Variants in MDGA2 observed in about 807,000 individuals in gnomAD.
MDGA2 encodes MAM domain-containing glycosylphosphatidylinositol anchor protein 2.
Under a neutral mutation model 117.8 loss-of-function variants are expected in MDGA2, and 40 were observed. The observed-to-expected ratio is 0.34, with a 90% CI of 0.26 to 0.44. The LOEUF (loss-of-function observed/expected upper bound fraction) is 0.44. Among genes scored for constraint, MDGA2 ranks in the 20% least tolerant of loss-of-function variants. MDGA2 has a pLI of 1.00. For synonymous variants in MDGA2, 452 were observed against 439.0 expected (o/e 1.03, Z -0.37); for missense variants, 1,123 against 1,250.6 (o/e 0.90, Z 1.54).
chr14:46,958,697 T>G (rs926614521), intron 8 of MDGA2, among the ~76,000 whole-genome samples: 1 of 152,252 alleles, frequency 6.6e-6, no homozygotes, highest in Non-Finnish European at 1.5e-5. Context: ...GTCCATTTCA[T>G]GCACCTGTCA....
chr14:47,112,584 T>A (rs1881101820), intron 5 of MDGA2, among the ~76,000 whole-genome samples: 1 of 152,246 alleles, frequency 6.6e-6, no homozygotes, highest in Admixed American at 6.5e-5. Flanking sequence ...TTCCTTTCTC[T>A]GGCTGCATAG....
chr14:46,971,526 G>A (rs1237460513), intron 8 of MDGA2, among the ~76,000 whole-genome samples: 1 of 152,016 alleles, frequency 6.6e-6, no homozygotes, highest in Non-Finnish European at 1.5e-5. Flanking sequence ...TGGAGATAGA[G>A]TATAGATAGA....
chr14:47,256,514 A>C (rs531055400), intron 2 of MDGA2, among the ~76,000 whole-genome samples: 6 of 152,014 alleles, frequency 3.9e-5, no homozygotes, highest in Admixed American at 6.6e-5. Context: ...CAGTTTATCT[A>C]TTTGCTTCTT....
chr14:47,003,378 C>A (rs956427476), intron 8 of MDGA2, among the ~76,000 whole-genome samples: 64 of 148,372 alleles, frequency 4.3e-4, no homozygotes, highest in Non-Finnish European at 9.0e-4. Context: ...AAAAAAAAAA[C>A]CTACCACACT....
chr14:47,412,287 T>C (rs1892389850), intron 1 of MDGA2, among the ~76,000 whole-genome samples: 1 of 152,154 alleles, frequency 6.6e-6, no homozygotes, highest in Non-Finnish European at 1.5e-5. Flanking sequence ...TATTTCCTTT[T>C]ATTTTTTTCA....
chr14:47,667,468 ATCCTT>A (rs1897996273), intron 1 of MDGA2, among the ~76,000 whole-genome samples: 1 of 152,190 alleles, frequency 6.6e-6, no homozygotes, highest in Non-Finnish European at 1.5e-5. Context: ...TTATCTCCTC[ATCCTT>A]TCCTTTCAGG....
chr14:47,129,146 C>T (rs1882060393), intron 5 of MDGA2, among the ~76,000 whole-genome samples: 2 of 151,216 alleles, frequency 1.3e-5, no homozygotes, highest in South Asian at 4.2e-4. Flanking sequence ...GCACAATGTG[C>T]AGGTTAGTTA....
chr14:47,300,331 T>C (rs527298868), intron 2 of MDGA2, among the ~76,000 whole-genome samples: 2 of 152,242 alleles, frequency 1.3e-5, no homozygotes, highest in Non-Finnish European at 2.9e-5. Context: ...AATTTTGAGC[T>C]AGTAAGGTCA....
At chr14:47,302,452 T>A (rs1566729189) in intron 1 of MDGA2, among the ~76,000 whole-genome samples, 1 of 152,134 alleles carries the variant, frequency 6.6e-6, no homozygotes, top group South Asian at 2.1e-4. Context: ...AAGAGAATGA[T>A]CATTTCAGTT....
chr14:47,157,814 TC>T (rs913675195), intron 3 of MDGA2, among the ~76,000 whole-genome samples: 14 of 151,752 alleles, frequency 9.2e-5, no homozygotes, highest in African/African-American at 1.7e-4. Context: ...TTATAAGGGC[TC>T]CCCCCCTCAC....
intron 2 of MDGA2, among the ~76,000 whole-genome samples, chr14:47,276,127 G>A (rs956513432): frequency 6.6e-6 from 1 of 152,154 alleles, no homozygotes; most frequent in Non-Finnish European, 1.5e-5. Context: ...GAGAGTGCCA[G>A]TTCAGTCTGT....
At chr14:46,844,786 G>A (rs190073303) in intron 16 of MDGA2, among the ~76,000 whole-genome samples, 94 of 152,258 alleles carry the variant, frequency 6.2e-4, no homozygotes, top group Middle Eastern at 3.4e-3. Context: ...TTTCAAGTGA[G>A]AGACCAGGTG....
chr14:47,380,511 C>T (rs1203426090), intron 1 of MDGA2, among the ~76,000 whole-genome samples: 1 of 151,526 alleles, frequency 6.6e-6, no homozygotes, highest in East Asian at 1.9e-4. Flanking sequence ...CAAATAGACG[C>T]AATAAAAAAG....
rs1259088155 is a variant in MDGA2, at chr14:47,671,261, A to G, written c.280+3256T>C. On this transcript the variant is annotated intron_variant, in intron 1 of 16. Transcript: ENST00000399232. ...TAAATGACAGTAAGTTCCTAGGTCT[A>G]TAGCAGAAACTTTTACACTTAAGTA... Among the ~76,000 whole-genome samples the G allele has an allele frequency of 2.0e-5, 3 of 152,212 alleles. No individual in the cohort carries two copies. In the East Asian group the frequency reaches 5.8e-4, roughly 29 times the overall value.
At chr14:47,083,783 A>C (rs1890793312) in intron 6 of MDGA2, among the ~76,000 whole-genome samples, 1 of 152,136 alleles carries the variant, frequency 6.6e-6, no homozygotes, top group South Asian at 2.1e-4. Flanking sequence ...CAGGGTGGCT[A>C]GATAATGTAG....
intron 11 of MDGA2, among the ~76,000 whole-genome samples, chr14:46,879,331 T>C (rs1325135756): frequency 1.3e-5 from 2 of 152,198 alleles, no homozygotes; most frequent in Non-Finnish European, 2.9e-5. Flanking sequence ...TCTCAGCCTC[T>C]AAAAGTGTGA....
chr14:47,330,934 A>C (rs567835598), intron 1 of MDGA2, among the ~76,000 whole-genome samples: 2 of 152,038 alleles, frequency 1.3e-5, no homozygotes, highest in Admixed American at 1.3e-4. Flanking sequence ...TTAGACATTA[A>C]TAGACTGTGT....
intron 14 of MDGA2, chr14:46,871,152 A>T (rs1881979689): frequency 6.6e-6 from 1 of 151,608 alleles, no homozygotes; most frequent in South Asian, 2.1e-4. Flanking sequence ...CAATTATGCG[A>T]TTTGTTTCCT....
In MDGA2 at chr14:47,535,244, T is replaced by C. The variant is rs1895185970; in HGVS notation, c.280+139273A>G. On this transcript the variant is annotated intron_variant, in intron 1 of 16. Transcript: ENST00000399232. ...GACAATTACTTGCTTTTGATGGTTC[T>C]AAGAGCAGAAACACGATGTCCTTTT... is the stretch of plus-strand genomic sequence containing the variant. Among the ~76,000 whole-genome samples, 3 of 152,222 alleles carry C rather than the reference T, an allele frequency of 2.0e-5. No individual in the cohort carries two copies. In the South Asian group the frequency reaches 6.2e-4, roughly 31 times the overall value.
Sources: allele counts gnomAD v4.1 joint callset (sites outside exome capture counted in the v4.1 genomes callset), GRCh38; gene constraint gnomAD v4.1.1; transcripts MANE v1.5; gene names NCBI Gene and HGNC (gene_info 2026-07-23, HGNC 2026-07-21).